PPP4R2: variants seen among roughly 807,000 people sequenced by gnomAD.
PPP4R2 encodes the protein protein phosphatase 4 regulatory subunit 2.
Under a neutral mutation model 47.2 loss-of-function variants are expected in PPP4R2, and 13 were observed. The observed-to-expected ratio is 0.28, with a 90% CI of 0.18 to 0.44. PPP4R2 has a LOEUF of 0.44. Ranked by LOEUF, PPP4R2 falls within the 20% of genes least tolerant of loss-of-function variation. PPP4R2 has a pLI of 1.00. For synonymous variants in PPP4R2, 151 were observed against 163.3 expected, an observed-to-expected ratio of 0.92 and a Z score of 0.57; for missense variants, 421 against 491.2, an observed-to-expected ratio of 0.86 and a Z score of 1.35.
At chr3:72,998,015 A>G in intron 1 of PPP4R2, 62 bp from the exon 2 acceptor site, 2 of 1,131,682 alleles carry the variant, frequency 1.8e-6, no homozygotes, top group Non-Finnish European at 1.3e-6. Flanking sequence ...ACTAGGAGGA[A>G]AGTTTGTTTT....
At chr3:73,044,957 A>T (rs1283258429) in intron 2 of PPP4R2, among the ~76,000 whole-genome samples, 2 of 152,130 alleles carry the variant, frequency 1.3e-5, no homozygotes, top group African/African-American at 4.8e-5. Flanking sequence ...ATTTTGATGT[A>T]ATTCAATTTA....
At chr3:73,001,780 A>C (rs1701467155) in intron 2 of PPP4R2, among the ~76,000 whole-genome samples, 1 of 151,836 alleles carries the variant, frequency 6.6e-6, no homozygotes, top group South Asian at 2.1e-4. Context: ...CTGGGACTAC[A>C]GGCACACACA....
intron 2 of PPP4R2, among the ~76,000 whole-genome samples, chr3:73,034,846 T>TAA (rs57719588): frequency 0.066 from 9,729 of 147,146 alleles, 851 homozygotes; most frequent in African/African-American, 0.21. Flanking sequence ...GTTTTGTTCT[T>TAA]AAAAAAAAAA....
chr3:73,030,676 G>A lies in PPP4R2; in HGVS notation c.117-16510G>A, dbSNP rs369727013. Reference sequence around the variant, plus strand: ...GCTAGAGAACCAACTATATCTGAGGGAGTGATTATATTTTTTTTTCTCTTT... The same window carrying A: ...GCTAGAGAACCAACTATATCTGAGGAAGTGATTATATTTTTTTTTCTCTTT... On this transcript the variant is annotated intron_variant, in intron 2 of 8. Coordinates refer to ENST00000356692, the MANE Select transcript of PPP4R2 (RefSeq NM_174907.4). Among the ~76,000 whole-genome samples the A allele has an allele frequency of 4.2e-4, 64 of 151,650 alleles. 1 individual carries two copies. The East Asian group carries it at 4.9e-3, about 12-fold the overall frequency.
chr3:73,025,030 A>G (rs985396213), intron 2 of PPP4R2, among the ~76,000 whole-genome samples: 3 of 152,170 alleles, frequency 2.0e-5, no homozygotes, highest in African/African-American at 7.2e-5. Flanking sequence ...GGTGTCTTCC[A>G]TATTTCACAT....
intron 3 of PPP4R2, among the ~76,000 whole-genome samples, chr3:73,051,625 T>G (rs1702614707): frequency 6.6e-6 from 1 of 152,022 alleles, no homozygotes; most frequent in Non-Finnish European, 1.5e-5. Flanking sequence ...AGTACAAGTT[T>G]GTTTGTTTGT....
At chr3:73,046,081 C>A (rs1038275556) in intron 2 of PPP4R2, among the ~76,000 whole-genome samples, 5 of 152,048 alleles carry the variant, frequency 3.3e-5, no homozygotes, top group South Asian at 2.1e-4. Flanking sequence ...TTTAAAATTA[C>A]GAGTTTGTGA....
At chr3:73,061,938 A>C in intron 5 of PPP4R2, 1 of 614,456 alleles carries the variant, frequency 1.6e-6, no homozygotes, top group South Asian at 2.1e-5. Flanking sequence ...ATCCCATACT[A>C]TATTTCTTGA....
intron 5 of PPP4R2, 46 bp from the exon 6 acceptor site, chr3:73,063,627 T>TA (rs368021867): frequency 3.2e-4 from 363 of 1,152,084 alleles, no homozygotes; most frequent in South Asian, 5.6e-4. Context: ...AGACTCCATC[T>TA]AAAAAAAAAT....
At chr3:73,057,238 G>T (rs1355646594) in intron 3 of PPP4R2, among the ~76,000 whole-genome samples, 1 of 152,068 alleles carries the variant, frequency 6.6e-6, no homozygotes, top group African/African-American at 2.4e-5. Flanking sequence ...TTTTAAAGTA[G>T]AGTTAGTTTT....
At chr3:73,028,431 C>G (rs1702108999) in intron 2 of PPP4R2, among the ~76,000 whole-genome samples, 1 of 151,748 alleles carries the variant, frequency 6.6e-6, no homozygotes, top group Non-Finnish European at 1.5e-5. Context: ...GTCAGCCGTG[C>G]AATATATAGA....
rs1304349376 is a variant in PPP4R2 at position 73,066,069 on chromosome 3, TTA to T, written c.*350_*351del. On this transcript the variant is annotated 3_prime_UTR_variant, in exon 9 of 9. Transcript: ENST00000356692. ...GTTTTTTGAGATTATCACATTTAGT[TTA>T]TACATATGCAAGAAGCTTTTTGTCT... 6.4e-6 allele frequency: 1 copy of T among 156,230 alleles called. No homozygotes were observed. Among genetic ancestry groups the T allele is most frequent in the African/African-American group, 2.4e-5 (1 of 41,424 alleles). The allele number at this position is 156,230 out of a possible 1,614,324, so 9.7% of individuals were successfully genotyped here.
intron 2 of PPP4R2, chr3:73,015,912 A>G: frequency 3.2e-6 from 1 of 309,116 alleles, no homozygotes; most frequent in South Asian, 2.3e-5. Context: ...TGCTGGGATT[A>G]CAGACGTGAA....
chr3:73,062,391 A>G (rs1702882338), intron 5 of PPP4R2: 2 of 1,606,832 alleles, frequency 1.2e-6, no homozygotes, highest in East Asian at 2.2e-5. Flanking sequence ...TAAGGACATT[A>G]AAAAAGCAGC....
intron 2 of PPP4R2, among the ~76,000 whole-genome samples, chr3:73,021,989 C>T (rs1324605838): frequency 6.6e-6 from 1 of 151,372 alleles, no homozygotes; most frequent in African/African-American, 2.4e-5. Flanking sequence ...CTCCGCTTCC[C>T]AGGTTCAAGT....
rs149709831 is a variant in PPP4R2 at position 73,065,046 on chromosome 3, C to T, written c.833C>T (p.Ala278Val). Residue 278 changes from alanine to valine, a missense_variant, in exon 8 of 9, where the codon GCA becomes GTA. Around this residue, in one of 2 missense-constraint regions of PPP4R2, gnomAD observed 317 missense variants for 287.5 expected, o/e 1.10. Coordinates refer to ENST00000356692, the MANE Select transcript of PPP4R2 (RefSeq NM_174907.4). The stretch of plus-strand genomic sequence containing the variant: ...TCAGTTATGGTAGGAGAAACAGAAG[C>T]ATCATCTTCATCTCAGGATAAAGAC... Reference protein sequence around the residue: ...ISSVMVGETEASSSSQDKDKD... With the variant: ...ISSVMVGETEVSSSSQDKDKD... 3.7e-6 allele frequency: 6 copies of T among 1,613,828 alleles called. No homozygotes were observed. The African/African-American group carries it at 8.0e-5, about 22-fold the overall frequency.
chr3:73,024,439 T>G (rs1702018923), intron 2 of PPP4R2, among the ~76,000 whole-genome samples: 1 of 152,190 alleles, frequency 6.6e-6, no homozygotes, highest in South Asian at 2.1e-4. Context: ...AGAACCAAAC[T>G]AAAACCTAAA....
intron 3 of PPP4R2, among the ~76,000 whole-genome samples, chr3:73,052,941 T>C (rs552875910): frequency 1.5e-4 from 23 of 152,380 alleles, no homozygotes; most frequent in African/African-American, 5.3e-4. Flanking sequence ...ATGAGACTTT[T>C]ATACTCCAAA....
Position 73,025,900 on chromosome 3 carries a change from A to G in PPP4R2, c.117-21286A>G, listed in dbSNP as rs374619896. ...AAGCTAGAGGAGATGAGAATTTGTA[A>G]TGGTGCAGCATTAGTGGGAATGAAC... On this transcript the variant is annotated intron_variant, in intron 2 of 8. Transcript: ENST00000356692. 1.3e-4 allele frequency among the ~76,000 whole-genome samples: 20 copies of G among 152,254 alleles called. 1 individual carries two copies. Among genetic ancestry groups the G allele is most frequent in the African/African-American group, 4.6e-4 (19 of 41,566 alleles).
Sources: gnomAD v4.1 joint callset for allele counts (sites outside exome capture counted in the v4.1 genomes callset) on GRCh38, gnomAD v4.1.1 for gene constraint, gnomAD v4.1.1 regional missense constraint, MANE v1.5 for transcripts, NCBI Gene and HGNC (gene_info 2026-07-23, HGNC 2026-07-21) for gene names.